The following SIDT1 variants were observed in gnomAD, a reference collection of about 807,000 sequenced individuals.
SIDT1 encodes SID1 transmembrane family, member 1.
In SIDT1, 101 loss-of-function variants were observed where a neutral mutation model predicts 107.5. The ratio of observed to expected loss-of-function variants is 0.94; its 90% CI spans 0.80 to 1.11. The LOEUF (loss-of-function observed/expected upper bound fraction) is 1.11. Among genes scored for constraint, SIDT1 ranks in the 50% least tolerant of loss-of-function variants. SIDT1 has a pLI of 0.00. For synonymous variants in SIDT1, 395 were observed against 398.2 expected, an observed-to-expected ratio of 0.99 and a Z score of 0.10; for missense variants, 1,076 against 1,058.2, an observed-to-expected ratio of 1.02 and a Z score of -0.23.
At chr3:113,612,012 C>T (rs979390229) in intron 18 of SIDT1, 74 bp from the exon 19 acceptor site, 1 of 1,063,486 alleles carries the variant, frequency 9.4e-7, no homozygotes, top group South Asian at 1.3e-5. Context: ...CTTACACATA[C>T]AGGAGAGAGG....
chr3:113,589,398 A>C (rs372530124), intron 9 of SIDT1, among the ~76,000 whole-genome samples: 20 of 152,360 alleles, frequency 1.3e-4, no homozygotes, highest in African/African-American at 4.8e-4. Flanking sequence ...ACACATAATC[A>C]AAACATATCA....
At chr3:113,636,231 C>G in the SIDT1 span, among the ~76,000 whole-genome samples, 1 of 152,036 alleles carries the variant, frequency 6.6e-6, no homozygotes, top group South Asian at 2.1e-4. Flanking sequence ...ATGATGAAAC[C>G]CTGTCCCTAC....
chr3:113,591,991 G>A (rs981531375), intron 9 of SIDT1, among the ~76,000 whole-genome samples: 2 of 152,180 alleles, frequency 1.3e-5, no homozygotes, highest in Admixed American at 1.3e-4. Flanking sequence ...GCATACTACA[G>A]CATGGATGAA....
chr3:113,586,294 T>G (rs1440657524), intron 9 of SIDT1, among the ~76,000 whole-genome samples: 2 of 152,036 alleles, frequency 1.3e-5, no homozygotes, highest in Non-Finnish European at 2.9e-5. Flanking sequence ...AGTGTATGAG[T>G]CCCTGTTGAT....
chr3:113,553,137 C>T (rs2107668797), intron 1 of SIDT1, among the ~76,000 whole-genome samples: 1 of 152,246 alleles, frequency 6.6e-6, no homozygotes, highest in East Asian at 1.9e-4. Flanking sequence ...TCATCTCTGC[C>T]ACAATGTTCT....
intron 3 of SIDT1, among the ~76,000 whole-genome samples, chr3:113,572,812 G>C (rs1004245287): frequency 3.9e-5 from 6 of 152,154 alleles, no homozygotes; most frequent in African/African-American, 1.4e-4. Context: ...TCTAAGTAGG[G>C]ATCTTGAGTC....
intron 3 of SIDT1, among the ~76,000 whole-genome samples, chr3:113,574,472 C>G (rs1942740780): frequency 6.6e-6 from 1 of 152,180 alleles, no homozygotes; most frequent in Non-Finnish European, 1.5e-5. Context: ...GCTTGTTAAT[C>G]AAGATGAGTA....
chr3:113,556,983 C>A (rs920526516), intron 1 of SIDT1, among the ~76,000 whole-genome samples: 5 of 150,534 alleles, frequency 3.3e-5, no homozygotes, highest in African/African-American at 1.3e-4. Flanking sequence ...CCACGCCCAG[C>A]TAATTTTTGT....
At chr3:113,538,904 C>T (rs1938496049) in intron 1 of SIDT1, among the ~76,000 whole-genome samples, 1 of 152,170 alleles carries the variant, frequency 6.6e-6, no homozygotes, top group Admixed American at 6.5e-5. Context: ...CCAGAAAGCA[C>T]ATAATTTCTG....
At chr3:113,579,683 A>G (rs911456965) in intron 4 of SIDT1, among the ~76,000 whole-genome samples, 13 of 152,226 alleles carry the variant, frequency 8.5e-5, no homozygotes, top group Non-Finnish European at 1.9e-4. Context: ...AAGATGTTGA[A>G]ATACAAAGTT....
At chr3:113,565,363 C>A (rs1167244554) in intron 1 of SIDT1, among the ~76,000 whole-genome samples, 1 of 152,146 alleles carries the variant, frequency 6.6e-6, no homozygotes, top group East Asian at 1.9e-4. Context: ...GAAACCCCAT[C>A]TCTACTAAAA....
At chr3:113,612,954 A>G (rs1020933433) in intron 19 of SIDT1, among the ~76,000 whole-genome samples, 1 of 152,238 alleles carries the variant, frequency 6.6e-6, no homozygotes, top group African/African-American at 2.4e-5. Context: ...ATGTGTAAGA[A>G]CATCAAAGTC....
chr3:113,627,011 C>G (rs1198887623), intron 24 of SIDT1, among the ~76,000 whole-genome samples: 2 of 152,126 alleles, frequency 1.3e-5, no homozygotes, highest in Non-Finnish European at 1.5e-5. Flanking sequence ...ACAGTCCTTA[C>G]GTCTTTTACT....
rs1169771943 is a variant in SIDT1 at position 113,576,930 on chromosome 3, T to G, written c.524T>G (p.Val175Gly). 1 of 1,614,090 alleles carries G rather than the reference T, an allele frequency of 6.2e-7. No homozygotes were observed. The highest frequency in any genetic ancestry group is 1.3e-5 in the African/African-American group (1 of 74,940). ...CCACTTACGTTTCTCAGGACAAATGTTGCCTTTCACTTTACTGCCAGCCCC... is the reference window on the plus strand; with the variant it reads ...CCACTTACGTTTCTCAGGACAAATGGTGCCTTTCACTTTACTGCCAGCCCC... ...KLKHFQLRTN[V>G]AFHFTASPSQ... is the part of the protein sequence containing the mutation. The change falls in exon 4 of 25, where the codon GTT (valine) becomes GGT (glycine). Residue 175 changes from valine to glycine, a missense_variant. Transcript: ENST00000264852.
chr3:113,612,469 A>G (rs1405337688), intron 19 of SIDT1: 4 of 526,304 alleles, frequency 7.6e-6, no homozygotes. Flanking sequence ...GGTTGCAAAC[A>G]CTTTACAGTC....
intron 1 of SIDT1, among the ~76,000 whole-genome samples, chr3:113,547,633 A>AT (rs1237457956): frequency 1.3e-4 from 20 of 152,156 alleles, no homozygotes; most frequent in African/African-American, 4.8e-4. Flanking sequence ...GGTATCTTAT[A>AT]TTGAAAAGTG....
At chr3:113,584,815 A>T (rs1943621612) in intron 8 of SIDT1, 46 bp downstream of exon 8, 1 of 1,305,614 alleles carries the variant, frequency 7.7e-7, no homozygotes, top group African/African-American at 1.5e-5. Flanking sequence ...CTGTGTCAGA[A>T]AATCAGTCAT....
rs1947022820 is a variant in SIDT1, at chr3:113,628,997, C to G, written c.*1289C>G. The G allele has an allele frequency of 6.6e-6, 1 of 152,160 alleles. No individual in the cohort carries two copies. Among genetic ancestry groups the G allele is most frequent in the Non-Finnish European group, 1.5e-5 (1 of 68,040 alleles). 9.4% of individuals were successfully genotyped at this position (152,160 alleles called of 1,614,324 possible). ...AGAAGTTCTACATTGACCAGGCCCC[C>G]TTGTTGCCTGGAGTATGACGTAATC... On this transcript the variant is annotated 3_prime_UTR_variant, in exon 25 of 25. Transcript: ENST00000264852.
At chr3:113,613,905 G>A (rs895862193) in intron 19 of SIDT1, among the ~76,000 whole-genome samples, 3 of 152,190 alleles carry the variant, frequency 2.0e-5, no homozygotes, top group Non-Finnish European at 4.4e-5. Context: ...TAATTTGTTA[G>A]GGTCCCAACA....
Sources: allele counts gnomAD v4.1 joint callset (sites outside exome capture counted in the v4.1 genomes callset), GRCh38; gene constraint gnomAD v4.1.1; transcripts MANE v1.5; gene names NCBI Gene and HGNC (gene_info 2026-07-23, HGNC 2026-07-21).